The following NARS2 variants were observed in gnomAD, a reference collection of about 807,000 sequenced individuals.
NARS2 encodes asparaginyl-tRNA synthetase 2, mitochondrial.
Under a neutral mutation model 62.9 loss-of-function variants are expected in NARS2, and 60 were observed. The observed-to-expected ratio is 0.95, with a 90% CI of 0.77 to 1.18. The LOEUF (loss-of-function observed/expected upper bound fraction) is 1.18. NARS2 is among the 50% of genes most tolerant of loss of function. NARS2 has a pLI of 0.00. For synonymous variants in NARS2, 196 were observed against 200.0 expected, an observed-to-expected ratio of 0.98 and a Z score of 0.17; for missense variants, 619 against 576.4, an observed-to-expected ratio of 1.07 and a Z score of -0.76.
At chr11:78,470,669 C>G (rs796751844) in intron 9 of NARS2, among the ~76,000 whole-genome samples, 14 of 152,136 alleles carry the variant, frequency 9.2e-5, no homozygotes, top group African/African-American at 3.4e-4. Context: ...ATAAAACATG[C>G]CTATATATAC....
At chr11:78,474,943 T>C (rs1373925875) in intron 9 of NARS2, among the ~76,000 whole-genome samples, 1 of 152,138 alleles carries the variant, frequency 6.6e-6, no homozygotes, top group Non-Finnish European at 1.5e-5. Context: ...ATTTAAAATC[T>C]ACTCCTTTAG....
intron 5 of NARS2, among the ~76,000 whole-genome samples, chr11:78,557,823 T>C (rs1590862505): frequency 6.8e-6 from 1 of 146,872 alleles, no homozygotes; most frequent in East Asian, 1.9e-4. Flanking sequence ...TTATATTATA[T>C]ATATATATCT....
At chr11:78,511,017 A>T (rs114102376) in intron 6 of NARS2, among the ~76,000 whole-genome samples, 16 of 152,194 alleles carry the variant, frequency 1.1e-4, no homozygotes, top group African/African-American at 3.1e-4. Flanking sequence ...AAGAGACTCG[A>T]GCCAAAGGAA....
rs576875762 is a variant in NARS2 at position 78,565,589 on chromosome 11, G to A, written c.513+543C>T. Among the ~76,000 whole-genome samples, 25 of 152,274 alleles carry A rather than the reference G, an allele frequency of 1.6e-4. No individual in the cohort carries two copies. In the South Asian group the frequency reaches 5.0e-3, roughly 30 times the overall value. ...AGACCCAAGTGGCTAGAGTTCATAC[G>A]CTAGAATATCAGAGAGAGAGCTGCA... On this transcript the variant is annotated intron_variant, in intron 4 of 13. Transcript: ENST00000281038.
intron 6 of NARS2, among the ~76,000 whole-genome samples, chr11:78,520,221 G>C (rs1199980314): frequency 2.0e-5 from 3 of 152,156 alleles, no homozygotes; most frequent in Admixed American, 2.0e-4. Context: ...GTGCCAGCAA[G>C]GTTGTGCTTC....
In NARS2 at chr11:78,469,264, A is replaced by G. The variant is rs775980355; in HGVS notation, c.1009T>C (p.Phe337Leu). The change falls in exon 10 of 14, where the codon TTC (phenylalanine) becomes CTC (leucine). Residue 337 changes from phenylalanine (F) to leucine (L), a missense_variant. Physicochemically the swap from Phe to Leu is conservative, Grantham distance 22. Transcript: ENST00000281038. ...VEILKQASQN[F>L]TFTPEWGADL... ...AATACTACCTCTGGGGTAAAGGTGA[A>G]GTTCTGGGATGCTTGCTTTAAGATC... 1.9e-6 allele frequency: 3 copies of G among 1,612,074 alleles called. No homozygotes were observed. The highest frequency in any genetic ancestry group is 2.5e-6 in the Non-Finnish European group (3 of 1,178,434).
At chr11:78,493,593 G>C (rs1859923822) in intron 6 of NARS2, among the ~76,000 whole-genome samples, 1 of 151,968 alleles carries the variant, frequency 6.6e-6, no homozygotes, top group South Asian at 2.1e-4. Flanking sequence ...AGGAGGTGGA[G>C]GCCACAGTGA....
chr11:78,462,436 A>T (rs1284044498), intron 11 of NARS2, among the ~76,000 whole-genome samples: 1 of 152,214 alleles, frequency 6.6e-6, no homozygotes, highest in Non-Finnish European at 1.5e-5. Context: ...TTTGTGTGAA[A>T]GGTGAGGATG....
At chr11:78,568,577 A>G in intron 3 of NARS2, 55 bp downstream of exon 3, 1 of 1,559,098 alleles carries the variant, frequency 6.4e-7, no homozygotes, top group Non-Finnish European at 8.7e-7. Flanking sequence ...CTTAAAACAG[A>G]TTGCTGTCTT....
intron 7 of NARS2, among the ~76,000 whole-genome samples, chr11:78,481,784 A>G (rs563900373): frequency 6.6e-6 from 1 of 152,306 alleles, no homozygotes; most frequent in East Asian, 1.9e-4. Context: ...CACTCTGTAT[A>G]AAGATGCTAA....
intron 5 of NARS2, among the ~76,000 whole-genome samples, chr11:78,545,507 G>A (rs1167307471): frequency 6.7e-6 from 1 of 149,008 alleles, no homozygotes; most frequent in Non-Finnish European, 1.5e-5. Flanking sequence ...ACTCCCATAT[G>A]TCCGTCATGC....
chr11:78,537,589 C>A (rs1855407171), intron 5 of NARS2, among the ~76,000 whole-genome samples: 2 of 152,160 alleles, frequency 1.3e-5, no homozygotes, highest in African/African-American at 4.8e-5. Context: ...TCGAGTCCAG[C>A]AGTTTGAGAC....
chr11:78,508,593 A>AAC (rs1555026789), intron 6 of NARS2, among the ~76,000 whole-genome samples: 5 of 149,656 alleles, frequency 3.3e-5, no homozygotes, highest in Admixed American at 1.3e-4. Flanking sequence ...ATCTCAAAAA[A>AAC]AAAAAACAAA....
chr11:78,475,705 T>C (rs1859064951), intron 9 of NARS2, among the ~76,000 whole-genome samples: 1 of 147,170 alleles, frequency 6.8e-6, no homozygotes, highest in Non-Finnish European at 1.5e-5. Context: ...TAGGCAATCC[T>C]CCCACCTTAG....
intron 11 of NARS2, among the ~76,000 whole-genome samples, chr11:78,460,857 T>C (rs1453946839): frequency 1.3e-5 from 2 of 152,212 alleles, no homozygotes; most frequent in African/African-American, 4.8e-5. Context: ...TTTAAAATAT[T>C]CAGGAAAAAC....
intron 10 of NARS2, among the ~76,000 whole-genome samples, chr11:78,467,818 A>G (rs1591160343): frequency 6.6e-6 from 1 of 152,086 alleles, no homozygotes; most frequent in African/African-American, 2.4e-5. Context: ...TCAAATCATC[A>G]TGTCGTATAC....
At chr11:78,478,553 A>G in intron 8 of NARS2, 32 bp downstream of exon 8, 1 of 1,397,822 alleles carries the variant, frequency 7.2e-7, no homozygotes, top group Non-Finnish European at 1.0e-6. Context: ...TAAACAGTAG[A>G]TGTATTGGGC....
chr11:78,477,077 G>A (rs1341929165), intron 9 of NARS2, among the ~76,000 whole-genome samples: 1 of 152,112 alleles, frequency 6.6e-6, no homozygotes, highest in Non-Finnish European at 1.5e-5. Flanking sequence ...TTCAACAAAT[G>A]GTGAATATTA....
intron 6 of NARS2, among the ~76,000 whole-genome samples, chr11:78,500,492 G>A (rs1036265302): frequency 3.3e-5 from 5 of 149,450 alleles, no homozygotes; most frequent in Admixed American, 2.7e-4. Context: ...ATTTTTTTTT[G>A]AGGCAGGGTC....
Sources: gnomAD v4.1 joint callset for allele counts (sites outside exome capture counted in the v4.1 genomes callset) on GRCh38, gnomAD v4.1.1 for gene constraint, MANE v1.5 for transcripts, NCBI Gene and HGNC (gene_info 2026-07-23, HGNC 2026-07-21) for gene names.